The following UGT2A2 variants were observed in gnomAD, a reference collection of about 807,000 sequenced individuals.
UGT2A2 encodes UDP glucuronosyltransferase family 2 member A2.
A neutral mutation model predicts 50.7 loss-of-function variants in UGT2A2; 60 were observed. The observed-to-expected ratio is 1.18, with a 90% CI of 0.96 to 1.47. The LOEUF is 1.47. Among genes scored for constraint, UGT2A2 ranks in the 40% most tolerant of loss-of-function variants. The probability of loss-of-function intolerance (pLI) is 0.00; values close to 1 mark genes in which losing one functional copy is unlikely to be tolerated. For synonymous variants in UGT2A2, 242 were observed against 214.6 expected, an observed-to-expected ratio of 1.13 and a Z score of -1.11; for missense variants, 762 against 634.0, an observed-to-expected ratio of 1.20 and a Z score of -2.17.
chr4:69,597,946 T>C (rs1331975494), intron 2 of UGT2A2, among the ~76,000 whole-genome samples: 2 of 152,168 alleles, frequency 1.3e-5, no homozygotes. Context: ...TCTGCTATTG[T>C]AAAACATGGC....
At chr4:69,615,844 G>T (rs954413644) in intron 1 of UGT2A2, among the ~76,000 whole-genome samples, 1 of 150,592 alleles carries the variant, frequency 6.6e-6, no homozygotes, top group African/African-American at 2.4e-5. Flanking sequence ...ATGGAGAAGA[G>T]TGTGGATATT....
intron 1 of UGT2A2, among the ~76,000 whole-genome samples, chr4:69,622,993 T>C (rs1720838599): frequency 6.6e-6 from 1 of 151,844 alleles, no homozygotes. Flanking sequence ...AAAATTGTCA[T>C]GGGTGTGTTC....
chr4:69,620,794 A>G (rs113350016), intron 1 of UGT2A2, among the ~76,000 whole-genome samples: 4,412 of 152,014 alleles, frequency 0.029, 215 homozygotes, highest in African/African-American at 0.1. Flanking sequence ...AAAAACAGAA[A>G]CATAGACAAA....
chr4:69,616,032 C>T (rs1022762630), intron 1 of UGT2A2, among the ~76,000 whole-genome samples: 2 of 151,892 alleles, frequency 1.3e-5, no homozygotes, highest in East Asian at 1.9e-4. Context: ...GGTGAATCAA[C>T]GGACAAGTGA....
chr4:69,608,413 C>T (rs1324475136), intron 1 of UGT2A2, among the ~76,000 whole-genome samples: 1 of 119,536 alleles, frequency 8.4e-6, no homozygotes, highest in Non-Finnish European at 1.7e-5. Context: ...CACACCGGGG[C>T]CTGTTGTGGG....
intron 1 of UGT2A2, among the ~76,000 whole-genome samples, chr4:69,637,790 C>T (rs1389838485): frequency 6.6e-6 from 1 of 151,992 alleles, no homozygotes; most frequent in East Asian, 1.9e-4. Context: ...TTGTTGTATT[C>T]CTACCACTTA....
In UGT2A2 at chr4:69,639,631, T is replaced by C. The variant is rs1325476441; in HGVS notation, c.10A>G (p.Ile4Val). The stretch of plus-strand genomic sequence containing the variant: ...TTCTTAGGCATGGTAAAATCCCTTA[T>C]GGAAACCATCCTACTGTAGATCCTT... Reference protein sequence around the residue: MVSIRDFTMPKKFV... With the variant: MVSVRDFTMPKKFV... Residue 4 changes from isoleucine to valine, a missense_variant, in exon 1 of 6, where the codon ATA (isoleucine) becomes GTA (valine). Physicochemically the swap from Ile to Val is conservative, Grantham distance 29. Coordinates refer to ENST00000604629, the MANE Select transcript of UGT2A2 (RefSeq NM_001105677.2). The C allele has an allele frequency of 2.5e-6, 4 of 1,580,448 alleles. No homozygotes were observed. The highest frequency in any genetic ancestry group is 3.4e-6 in the Non-Finnish European group (4 of 1,168,004).
At chr4:69,610,264 G>T (rs1337985301) in intron 1 of UGT2A2, among the ~76,000 whole-genome samples, 1 of 151,750 alleles carries the variant, frequency 6.6e-6, no homozygotes, top group African/African-American at 2.4e-5. Context: ...AAGTTGCATT[G>T]AATTCATTGT....
chr4:69,589,867 T>C (rs1718490261), intron 5 of UGT2A2, among the ~76,000 whole-genome samples: 1 of 152,168 alleles, frequency 6.6e-6, no homozygotes. Context: ...TGATCAAATG[T>C]AGACATAAAA....
In UGT2A2 at chr4:69,589,237, G is replaced by A; in HGVS notation, c.*135C>T. On this transcript the variant is annotated 3_prime_UTR_variant, in exon 6 of 6. Transcript: ENST00000604629. ...GGCTTTATCAGTAGGCTTATCGCAG[G>A]TAGAGAAATAGAAAATTTGGAAACA... 1.7e-6 allele frequency: 2 copies of A among 1,156,556 alleles called. No homozygotes were observed. Among genetic ancestry groups the A allele is most frequent in the Non-Finnish European group, 2.3e-6 (2 of 858,380 alleles). 71.6% of individuals were successfully genotyped at this position (1,156,556 alleles called of 1,614,324 possible). A position where few individuals can be genotyped will look rare whatever the true frequency, so the allele number is the denominator to read the frequency against.
intron 1 of UGT2A2, among the ~76,000 whole-genome samples, chr4:69,625,807 C>T (rs1310579572): frequency 2.6e-5 from 4 of 151,408 alleles, no homozygotes; most frequent in African/African-American, 7.3e-5. Flanking sequence ...AATCAATAAA[C>T]AAATATTAAA....
At chr4:69,606,672 A>C (rs1294286752) in intron 1 of UGT2A2, among the ~76,000 whole-genome samples, 1 of 136,474 alleles carries the variant, frequency 7.3e-6, no homozygotes, top group Non-Finnish European at 1.6e-5. Flanking sequence ...TCTAGAAAAC[A>C]CCATCGTCTC....
In UGT2A2 at chr4:69,607,930, G is replaced by C. The variant is rs1274063129; in HGVS notation, c.743-8536C>G. Among the ~76,000 whole-genome samples the C allele has an allele frequency of 2.0e-5, 3 of 152,314 alleles. No homozygotes were observed. In the East Asian group the frequency reaches 5.8e-4, roughly 29 times the overall value. On this transcript the variant is annotated intron_variant, in intron 1 of 5. Coordinates refer to ENST00000604629, the MANE Select transcript of UGT2A2 (RefSeq NM_001105677.2). ...AAAAGTCAGGAAACAACAGGTGCTGGAGAGGATGTCGAGAAATAGGAACAC... is the reference window on the plus strand; with the variant it reads ...AAAAGTCAGGAAACAACAGGTGCTGCAGAGGATGTCGAGAAATAGGAACAC...
At chr4:69,609,363 T>G (rs1489203147) in intron 1 of UGT2A2, among the ~76,000 whole-genome samples, 1 of 151,998 alleles carries the variant, frequency 6.6e-6, no homozygotes, top group East Asian at 1.9e-4. Context: ...CAGTTTTAAT[T>G]TTTTGTTTGT....
intron 1 of UGT2A2, among the ~76,000 whole-genome samples, chr4:69,630,375 C>T (rs1721315684): frequency 6.6e-6 from 1 of 152,030 alleles, no homozygotes; most frequent in Non-Finnish European, 1.5e-5. Context: ...CCCACCTCTT[C>T]CCGGTTACAC....
At chr4:69,598,326 G>T (rs1161375800) in intron 2 of UGT2A2, among the ~76,000 whole-genome samples, 1 of 152,046 alleles carries the variant, frequency 6.6e-6, no homozygotes, top group Non-Finnish European at 1.5e-5. Flanking sequence ...GTAAATAATA[G>T]CCTGTTTCCT....
At chr4:69,595,335 CA>C in intron 3 of UGT2A2, 86 bp from the exon 4 acceptor site, 1 of 1,494,998 alleles carries the variant, frequency 6.7e-7, no homozygotes. Context: ...ATCATTTAGC[CA>C]GCTACTTGGA....
chr4:69,602,543 A>G (rs1719358565), intron 1 of UGT2A2, among the ~76,000 whole-genome samples: 1 of 137,378 alleles, frequency 7.3e-6, no homozygotes, highest in South Asian at 2.4e-4. Flanking sequence ...AAAACAATAT[A>G]CAGATAAATC....
At chr4:69,629,546 G>A (rs1266256536) in intron 1 of UGT2A2, among the ~76,000 whole-genome samples, 1 of 152,022 alleles carries the variant, frequency 6.6e-6, no homozygotes, top group Non-Finnish European at 1.5e-5. Flanking sequence ...GGGTAGCTGA[G>A]GTTAGTCAAA....
Sources: allele counts gnomAD v4.1 joint callset (sites outside exome capture counted in the v4.1 genomes callset), GRCh38; gene constraint gnomAD v4.1.1; transcripts MANE v1.5; gene names NCBI Gene and HGNC (gene_info 2026-07-23, HGNC 2026-07-21).